SCEL: variants seen among roughly 807,000 people sequenced by gnomAD.
The protein encoded by SCEL is sciellin.
SCEL carries 113 observed loss-of-function variants against 117.6 expected under a neutral mutation model. The observed-to-expected ratio is 0.96, with a 90% CI of 0.83 to 1.12. The LOEUF is 1.12. SCEL is among the 50% of genes most tolerant of loss of function. The probability of loss-of-function intolerance (pLI) is 0.00; values close to 1 mark genes in which losing one functional copy is unlikely to be tolerated. For missense variants in SCEL, 785 were observed against 810.8 expected, an observed-to-expected ratio of 0.97 and a Z score of 0.39; for synonymous variants, 270 against 256.2, an observed-to-expected ratio of 1.05 and a Z score of -0.51.
intron 5 of SCEL, among the ~76,000 whole-genome samples, chr13:77,564,814 C>G (rs923430541): frequency 1.3e-5 from 2 of 152,134 alleles, no homozygotes; most frequent in East Asian, 3.9e-4. Flanking sequence ...ATGTATATAC[C>G]TTCTGCATTA....
chr13:77,608,212 G>GCCTTTCTGATCCC, intron 20 of SCEL, 97 bp downstream of exon 20: 2 of 896,896 alleles, frequency 2.2e-6, no homozygotes, highest in Non-Finnish European at 3.5e-6. Context: ...ATTGGGATCA[G>GCCTTTCTGATCCC]AAAGGCTGAA....
chr13:77,566,681 C>T (rs1407646834), intron 5 of SCEL, among the ~76,000 whole-genome samples: 1 of 152,164 alleles, frequency 6.6e-6, no homozygotes, highest in African/African-American at 2.4e-5. Flanking sequence ...TACTACTTGA[C>T]ACATCAGAGT....
chr13:77,643,343 A>T (rs2090650727), intron 32 of SCEL, among the ~76,000 whole-genome samples: 1 of 152,172 alleles, frequency 6.6e-6, no homozygotes, highest in Non-Finnish European at 1.5e-5. Flanking sequence ...AGAAAAGGAT[A>T]TTGAGGACCT....
intron 12 of SCEL, among the ~76,000 whole-genome samples, chr13:77,595,331 G>A (rs551715687): frequency 2.1e-4 from 32 of 152,264 alleles, no homozygotes; most frequent in African/African-American, 6.5e-4. Context: ...TTAGTTATCC[G>A]AGCTGCTCTT....
chr13:77,563,191 C>G (rs1317959961), intron 4 of SCEL, among the ~76,000 whole-genome samples: 9 of 151,772 alleles, frequency 5.9e-5, no homozygotes, highest in Admixed American at 5.9e-4. Context: ...CTTCTTCTTC[C>G]TATCACTCTT....
At chr13:77,547,893 CCTCTGGGATGCT>C (rs2084083510) in intron 1 of SCEL, among the ~76,000 whole-genome samples, 1 of 152,188 alleles carries the variant, frequency 6.6e-6, no homozygotes. Flanking sequence ...CATCCCAGAA[CCTCTGGGATGCT>C]CCCTAGGAAC....
intron 29 of SCEL, among the ~76,000 whole-genome samples, chr13:77,636,888 T>G (rs2090304295): frequency 1.3e-5 from 2 of 152,188 alleles, no homozygotes; most frequent in South Asian, 4.1e-4. Context: ...CTCACACTTG[T>G]TCCTGTATTC....
intron 28 of SCEL, among the ~76,000 whole-genome samples, chr13:77,632,428 A>T (rs2090068080): frequency 6.6e-6 from 1 of 152,228 alleles, no homozygotes; most frequent in Admixed American, 6.5e-5. Context: ...TCTTGGGATG[A>T]CATATTCTAA....
chr13:77,556,497 C>A, intron 2 of SCEL, 99 bp from the exon 3 acceptor site: 2 of 940,098 alleles, frequency 2.1e-6, no homozygotes, highest in Non-Finnish European at 3.4e-6. Context: ...CAGATTGATG[C>A]TGGCCAATCA....
Position 77,555,930 on chromosome 13 carries a change from G to C in SCEL, c.43+12G>C. ...TCCCACAGGAAATGGTAATGTACAT[G>C]ATGTTTCTCTCACTCAGAAAACTTT... On this transcript the variant is annotated intron_variant, in intron 2 of 32. Coordinates refer to ENST00000349847, the MANE Select transcript of SCEL (RefSeq NM_144777.3). The C allele has an allele frequency of 6.2e-7, 1 of 1,610,434 alleles. No homozygotes were observed. Among genetic ancestry groups the C allele is most frequent in the Non-Finnish European group, 8.5e-7 (1 of 1,177,098 alleles).
chr13:77,623,439 T>G lies in SCEL; in HGVS notation c.1629-4508T>G, dbSNP rs1594154917. On this transcript the variant is annotated intron_variant, in intron 27 of 32. Transcript: ENST00000349847. ...CCAGTTATAGATTTCTTTGTTCCTT[T>G]TCCACTTCCATTGCTTCACTTGACT... The G allele has an allele frequency of 2.0e-5, 3 of 152,202 alleles. No individual in the cohort carries two copies. The South Asian group carries it at 6.2e-4, about 32-fold the overall frequency. The allele number at this position is 152,202 out of a possible 1,614,324, so 9.4% of individuals were successfully genotyped here.
chr13:77,609,035 G>GT (rs1300664330), intron 20 of SCEL, 23 bp from the exon 21 acceptor site: 1 of 1,545,648 alleles, frequency 6.5e-7, no homozygotes, highest in Non-Finnish European at 8.8e-7. Flanking sequence ...TATTTATGAT[G>GT]TTTTTTGTTT....
At chr13:77,576,433 T>C (rs1191008059) in intron 9 of SCEL, among the ~76,000 whole-genome samples, 1 of 150,490 alleles carries the variant, frequency 6.6e-6, no homozygotes, top group African/African-American at 2.4e-5. Flanking sequence ...TCCTAAAGGC[T>C]CCAAGTCCCT....
intron 9 of SCEL, among the ~76,000 whole-genome samples, chr13:77,579,431 T>C (rs2086141981): frequency 1.3e-5 from 2 of 152,346 alleles, no homozygotes; most frequent in South Asian, 4.1e-4. Context: ...CAACCTGTTA[T>C]CTTATTTGTC....
At chr13:77,547,415 A>G (rs929912403) in intron 1 of SCEL, among the ~76,000 whole-genome samples, 2 of 152,210 alleles carry the variant, frequency 1.3e-5, no homozygotes, top group Non-Finnish European at 2.9e-5. Context: ...ATTTTCAGTA[A>G]TTTACTGGTT....
chr13:77,582,309 C>T (rs1321404827), intron 9 of SCEL, among the ~76,000 whole-genome samples: 1 of 151,488 alleles, frequency 6.6e-6, no homozygotes, highest in East Asian at 1.9e-4. Flanking sequence ...TCACTGCAAC[C>T]TCTGCCTCCT....
chr13:77,589,144 G>T lies in SCEL; in HGVS notation c.546G>T (p.Arg182=). 1.9e-6 allele frequency: 3 copies of T among 1,610,580 alleles called. No individual in the cohort carries two copies. In the South Asian group the frequency reaches 3.3e-5, roughly 18 times the overall value. ...TGAACTGCTGTTTTCTGTTTTAAAG[G>T]GAACCAGGTGTTCACCCTCCAATAC... ...NASSSTGTRR[R]EPGVHPPIPP... is the part of the protein sequence containing the mutation. Residue 182 remains arginine, a splice_region_variant and synonymous_variant, in exon 10 of 33, where the codon CGG becomes CGT. Coordinates refer to ENST00000349847, the MANE Select transcript of SCEL (RefSeq NM_144777.3).
rs2090720710 is a variant in SCEL at position 77,644,916 on chromosome 13, C to G, written c.*642C>G. The G allele has an allele frequency of 6.6e-6, 1 of 152,204 alleles. No individual in the cohort carries two copies. Among genetic ancestry groups the G allele is most frequent in the African/African-American group, 2.4e-5 (1 of 41,436 alleles). The allele number at this position is 152,204 out of a possible 1,614,324, so 9.4% of individuals were successfully genotyped here. ...TTTAGAATCATTAGCTCTTTGGAAA[C>G]ATATATGCATACATGTTTGTTAAGC... On this transcript the variant is annotated 3_prime_UTR_variant, in exon 33 of 33. Coordinates refer to ENST00000349847, the MANE Select transcript of SCEL (RefSeq NM_144777.3).
At chr13:77,623,380 T>G (rs2089531185) in intron 27 of SCEL, 1 of 152,008 alleles carries the variant, frequency 6.6e-6, no homozygotes, top group Admixed American at 6.6e-5. Context: ...TTGGCTGCTC[T>G]GAGTGCGGTG....
Sources: gnomAD v4.1 joint callset for allele counts (sites outside exome capture counted in the v4.1 genomes callset) on GRCh38, gnomAD v4.1.1 for gene constraint, MANE v1.5 for transcripts, NCBI Gene and HGNC (gene_info 2026-07-23, HGNC 2026-07-21) for gene names.